REV3L: variants seen among roughly 807,000 people sequenced by gnomAD.
The protein encoded by REV3L is DNA polymerase zeta catalytic subunit.
REV3L carries 69 observed loss-of-function variants against 299.4 expected under a neutral mutation model. That is an observed-to-expected ratio of 0.23 (90% CI 0.19 to 0.28). REV3L has a LOEUF of 0.28. Ranked by LOEUF, REV3L falls within the 10% of genes least tolerant of loss-of-function variation. The pLI is 1.00. For missense variants in REV3L, 3,128 were observed against 3,693.8 expected, an observed-to-expected ratio of 0.85 and a Z score of 3.97; for synonymous variants, 1,238 against 1,271.4, an observed-to-expected ratio of 0.97 and a Z score of 0.56.
intron 1 of REV3L, among the ~76,000 whole-genome samples, chr6:111,479,051 C>T (rs1356979668): frequency 6.6e-6 from 1 of 152,198 alleles, no homozygotes; most frequent in African/African-American, 2.4e-5. Context: ...AAGTGAGTTA[C>T]ATCAAGCAAC....
intron 1 of REV3L, among the ~76,000 whole-genome samples, chr6:111,474,977 C>A (rs1476020322): frequency 1.1e-5 from 1 of 93,508 alleles, no homozygotes; most frequent in Non-Finnish European, 2.0e-5. Flanking sequence ...CATTCTATAG[C>A]TGCCTATATA....
Position 111,429,786 on chromosome 6 carries a change from C to A in REV3L, c.140-13314G>T, listed in dbSNP as rs552953384. Among the ~76,000 whole-genome samples, 19 of 152,118 alleles carry A rather than the reference C, an allele frequency of 1.2e-4. No homozygotes were observed. The East Asian group carries it at 3.5e-3, about 28-fold the overall frequency. ...GCAGCGCCGCACTGCCTGGGCCTGG[C>A]GCGGGGGGTGAGCACAGGGGCCCGG... On this transcript the variant is annotated intron_variant, in intron 1 of 31. Coordinates refer to ENST00000368802, the MANE Select transcript of REV3L (RefSeq NM_001372078.1).
chr6:111,303,166 T>TTTCTTTTC (rs796905375), intron 31 of REV3L, among the ~76,000 whole-genome samples: 1 of 13,120 alleles, frequency 7.6e-5, no homozygotes, highest in Non-Finnish European at 2.1e-4. Context: ...CTTTTCTTTC[T>TTTCTTTTC]TTTTTTTTTT....
At chr6:111,362,988 T>C (rs1202235391) in intron 16 of REV3L, among the ~76,000 whole-genome samples, 1 of 152,242 alleles carries the variant, frequency 6.6e-6, no homozygotes, top group East Asian at 1.9e-4. Flanking sequence ...ATTTCTATCT[T>C]ACTGCCAGTC....
rs1421393675 is a variant in REV3L, at chr6:111,375,475, T to C, written c.2880A>G (p.Lys960=). The C allele has an allele frequency of 6.2e-7, 1 of 1,604,512 alleles. No homozygotes were observed. The highest frequency in any genetic ancestry group is 8.5e-7 in the Non-Finnish European group (1 of 1,177,670). ...EIGESLDGTL[K]SRKRRKMSKK... Reference sequence around the variant, plus strand: ...TAGACATTTTTCTTCGTTTTCGGGATTTGAGAGTTCCATCTAAACTTTCAC... The same window carrying C: ...TAGACATTTTTCTTCGTTTTCGGGACTTGAGAGTTCCATCTAAACTTTCAC... Residue 960 remains lysine, a synonymous_variant, in exon 13 of 32, where the codon AAA becomes AAG. Transcript: ENST00000368802.
chr6:111,311,085 C>G lies in REV3L; in HGVS notation c.8779G>C (p.Ala2927Pro), dbSNP rs1420156349. The part of the protein sequence containing the change: ...FSYKPGACVP[A>P]LELTRKMLTY... ...TATCATTACCTTGTAAGTTCAAGGG[C>G]TGGCACACAAGCTCCTGGTTTATAA... Residue 2927 changes from alanine (A) to proline (P), a missense_variant, in exon 29 of 32, where the codon GCC (alanine) becomes CCC (proline). Around this residue, in one of 9 missense-constraint regions of REV3L, gnomAD observed 294 missense variants for 377.0 expected, o/e 0.78. Coordinates refer to ENST00000368802, the MANE Select transcript of REV3L (RefSeq NM_001372078.1). 3.1e-6 allele frequency: 5 copies of G among 1,613,118 alleles called. No homozygotes were observed. Among genetic ancestry groups the G allele is most frequent in the East Asian group, 2.2e-5 (1 of 44,874 alleles).
At chr6:111,461,318 A>T (rs984873893) in intron 1 of REV3L, among the ~76,000 whole-genome samples, 3 of 152,124 alleles carry the variant, frequency 2.0e-5, no homozygotes, top group Non-Finnish European at 4.4e-5. Flanking sequence ...AAGTTTTAAA[A>T]GTAAAAATTA....
Position 111,379,972 on chromosome 6 carries a change from A to G in REV3L, c.1454+10T>C. 6.5e-7 allele frequency: 1 copy of G among 1,549,240 alleles called. No individual in the cohort carries two copies. The highest frequency in any genetic ancestry group is 1.7e-5 in the Admixed American group (1 of 57,728). ...AGTTAATAAAACAACTGCAATAACTAAAAAATTACCTCTTTTTGGCACAAT... is the reference window on the plus strand; with the variant it reads ...AGTTAATAAAACAACTGCAATAACTGAAAAATTACCTCTTTTTGGCACAAT... On this transcript the variant is annotated intron_variant, in intron 11 of 31. Coordinates refer to ENST00000368802, the MANE Select transcript of REV3L (RefSeq NM_001372078.1).
chr6:111,465,243 G>A (rs1202209951), intron 1 of REV3L, among the ~76,000 whole-genome samples: 2 of 150,986 alleles, frequency 1.3e-5, no homozygotes, highest in African/African-American at 4.9e-5. Flanking sequence ...ATCACGCCCA[G>A]CTAATTTTTG....
At chr6:111,448,044 C>T (rs565309904) in intron 1 of REV3L, among the ~76,000 whole-genome samples, 6 of 152,138 alleles carry the variant, frequency 3.9e-5, no homozygotes, top group Admixed American at 2.0e-4. Flanking sequence ...CAGTATTGAA[C>T]TCTGTTCACC....
At chr6:111,306,132 AAGAC>A (rs1240443338) in intron 31 of REV3L, among the ~76,000 whole-genome samples, 1 of 152,180 alleles carries the variant, frequency 6.6e-6, no homozygotes, top group Non-Finnish European at 1.5e-5. Context: ...TTTAGTGAGG[AAGAC>A]AGACAAACCC....
At chr6:111,300,622 TGTTA>T (rs1417800272) in intron 31 of REV3L, among the ~76,000 whole-genome samples, 2 of 152,228 alleles carry the variant, frequency 1.3e-5, no homozygotes, top group East Asian at 1.9e-4. Context: ...CATGGACATT[TGTTA>T]GTTCCCCAAA....
At chr6:111,325,245 A>G (rs890057668) in intron 25 of REV3L, among the ~76,000 whole-genome samples, 3 of 152,228 alleles carry the variant, frequency 2.0e-5, no homozygotes, top group Non-Finnish European at 2.9e-5. Flanking sequence ...AGTTCAGACA[A>G]TTTTTTAAAA....
At chr6:111,361,768 G>C (rs934560897) in intron 16 of REV3L, among the ~76,000 whole-genome samples, 1 of 152,162 alleles carries the variant, frequency 6.6e-6, no homozygotes, top group Admixed American at 6.5e-5. Flanking sequence ...GAAACAGAGG[G>C]AGAAAATGCC....
intron 25 of REV3L, among the ~76,000 whole-genome samples, chr6:111,327,632 T>G: frequency 6.6e-6 from 1 of 151,676 alleles, no homozygotes; most frequent in Admixed American, 6.6e-5. Flanking sequence ...CTAGATCATA[T>G]AGATCAGTGG....
chr6:111,471,191 C>T (rs1792162200), intron 1 of REV3L, among the ~76,000 whole-genome samples: 1 of 151,984 alleles, frequency 6.6e-6, no homozygotes, highest in South Asian at 2.1e-4. Context: ...ATAAATCCTA[C>T]TGACATGTCA....
intron 4 of REV3L, among the ~76,000 whole-genome samples, chr6:111,395,078 T>C (rs1782355017): frequency 6.6e-6 from 1 of 152,186 alleles, no homozygotes; most frequent in Non-Finnish European, 1.5e-5. Flanking sequence ...TGTCCATTTT[T>C]ATACCAACAT....
In REV3L at chr6:111,416,347, C is replaced by T; in HGVS notation, c.265G>A (p.Val89Met). 6.2e-7 allele frequency: 1 copy of T among 1,613,916 alleles called. No homozygotes were observed. Among genetic ancestry groups the T allele is most frequent in the Non-Finnish European group, 8.5e-7 (1 of 1,179,870 alleles). ...MAFSIDRALN[V>M]ALGNPSSTAQ... is the part of the protein sequence containing the mutation. Reference sequence around the variant, plus strand: ...GTGGAAGATGGATTGCCTAAAGCCACATTAAGTGCTCTGTCGATACTGAAT... The same window carrying T: ...GTGGAAGATGGATTGCCTAAAGCCATATTAAGTGCTCTGTCGATACTGAAT... The change falls in exon 2 of 32, where the codon GTG becomes ATG. Residue 89 changes from valine (V) to methionine (M), a missense_variant. Around this residue, in one of 9 missense-constraint regions of REV3L, gnomAD observed 2,409 missense variants for 2,611.8 expected, o/e 0.92. Coordinates refer to ENST00000368802, the MANE Select transcript of REV3L (RefSeq NM_001372078.1).
chr6:111,474,507 C>T (rs1792667146), intron 1 of REV3L, among the ~76,000 whole-genome samples: 1 of 152,208 alleles, frequency 6.6e-6, no homozygotes, highest in South Asian at 2.1e-4. Flanking sequence ...TAGTAAGGCA[C>T]ACCTCATTTA....
Sources: gnomAD v4.1 joint callset for allele counts (sites outside exome capture counted in the v4.1 genomes callset) on GRCh38, gnomAD v4.1.1 for gene constraint, gnomAD v4.1.1 regional missense constraint, MANE v1.5 for transcripts, NCBI Gene and HGNC (gene_info 2026-07-23, HGNC 2026-07-21) for gene names.